The following EXOC4 variants were observed in gnomAD, a reference collection of about 807,000 sequenced individuals.
EXOC4 encodes exocyst complex component 4, also known as SEC8-like 1.
Under a neutral mutation model 107.2 loss-of-function variants are expected in EXOC4, and 71 were observed. The observed-to-expected ratio is 0.66, with a 90% CI of 0.55 to 0.81. The LOEUF (loss-of-function observed/expected upper bound fraction) is 0.81. Ranked by LOEUF, EXOC4 falls within the 30% of genes least tolerant of loss-of-function variation. EXOC4 has a pLI of 0.00. For missense variants in EXOC4, 1,108 were observed against 1,189.6 expected (o/e 0.93, Z 1.01); for synonymous variants, 456 against 441.2 (o/e 1.03, Z -0.42).
intron 17 of EXOC4, among the ~76,000 whole-genome samples, chr7:134,016,113 G>A (rs527267662): frequency 9.9e-5 from 15 of 152,194 alleles, no homozygotes; most frequent in Admixed American, 9.2e-4. Flanking sequence ...TACAGGAGGA[G>A]AGAGGAGTAG....
chr7:133,378,914 G>A (rs1199875212), intron 7 of EXOC4, among the ~76,000 whole-genome samples: 1 of 152,024 alleles, frequency 6.6e-6, no homozygotes, highest in African/African-American at 2.4e-5. Context: ...AGATACTCCA[G>A]TTGAAAGACA....
intron 10 of EXOC4, among the ~76,000 whole-genome samples, chr7:133,646,091 T>C (rs1445245737): frequency 6.6e-6 from 1 of 152,132 alleles, no homozygotes; most frequent in African/African-American, 2.4e-5. Context: ...ATGTGAGACA[T>C]TTGTTTAACG....
intron 10 of EXOC4, among the ~76,000 whole-genome samples, chr7:133,756,372 C>G (rs1315525944): frequency 6.6e-6 from 1 of 152,108 alleles, no homozygotes; most frequent in Non-Finnish European, 1.5e-5. Context: ...CCTTCAGATT[C>G]ACTTACCCTC....
intron 7 of EXOC4, among the ~76,000 whole-genome samples, chr7:133,394,835 A>G (rs900584416): frequency 1.8e-4 from 27 of 152,186 alleles, no homozygotes; most frequent in African/African-American, 6.0e-4. Context: ...ATAACCTAGC[A>G]TAAAAAAGAC....
chr7:133,295,907 G>A, intron 3 of EXOC4, among the ~76,000 whole-genome samples: 1 of 152,136 alleles, frequency 6.6e-6, no homozygotes, highest in East Asian at 1.9e-4. Flanking sequence ...GATAACAGGA[G>A]CTGGAATATT....
Position 133,440,137 on chromosome 7 carries a change from G to A in EXOC4, c.1183-35191G>A, listed in dbSNP as rs184823805. ...CATTTCTGAGTCAAGGCCTTGCATA[G>A]GTAACATTAACTACTGTTTACACTC... On this transcript the variant is annotated intron_variant, in intron 7 of 17. Transcript: ENST00000253861. Among the ~76,000 whole-genome samples, 214 of 152,088 alleles carry A rather than the reference G, an allele frequency of 1.4e-3. 1 individual carries two copies. Among genetic ancestry groups the A allele is most frequent in the African/African-American group, 4.5e-3 (185 of 41,496 alleles).
intron 9 of EXOC4, among the ~76,000 whole-genome samples, chr7:133,615,731 T>TTAA (rs1802178870): frequency 6.6e-6 from 1 of 152,174 alleles, no homozygotes; most frequent in African/African-American, 2.4e-5. Flanking sequence ...TCTAGTATTA[T>TTAA]CAGAGCCTTT....
intron 7 of EXOC4, among the ~76,000 whole-genome samples, chr7:133,450,453 G>A (rs568563108): frequency 2.6e-5 from 4 of 152,244 alleles, no homozygotes; most frequent in South Asian, 2.1e-4. Flanking sequence ...ATGAGCCACC[G>A]TGCCAGGCCT....
chr7:133,477,203 CTT>C (rs1428123021), intron 8 of EXOC4, among the ~76,000 whole-genome samples: 1 of 152,146 alleles, frequency 6.6e-6, no homozygotes, highest in Admixed American at 6.5e-5. Flanking sequence ...AGAGTTCACT[CTT>C]TGTGTTGTAC....
chr7:133,392,089 G>A (rs181897158), intron 7 of EXOC4, among the ~76,000 whole-genome samples: 7 of 152,268 alleles, frequency 4.6e-5, no homozygotes, highest in African/African-American at 9.6e-5. Flanking sequence ...GAGAACTATC[G>A]GACCATAGGA....
chr7:133,895,779 G>C (rs200838946), intron 12 of EXOC4, 44 bp downstream of exon 12: 1 of 1,586,724 alleles, frequency 6.3e-7, no homozygotes, highest in South Asian at 1.1e-5. Flanking sequence ...GTTTGAGCCT[G>C]ATGGTGGTTC....
intron 7 of EXOC4, among the ~76,000 whole-genome samples, chr7:133,468,764 C>T (rs1798796668): frequency 6.6e-6 from 1 of 152,148 alleles, no homozygotes; most frequent in Non-Finnish European, 1.5e-5. Context: ...CTGTCAGTTT[C>T]TGCTGAATTT....
chr7:133,722,757 A>T (rs564966777), intron 10 of EXOC4, among the ~76,000 whole-genome samples: 1 of 152,320 alleles, frequency 6.6e-6, no homozygotes, highest in South Asian at 2.1e-4. Flanking sequence ...GTGGTGTATA[A>T]TATCACTACT....
chr7:133,949,157 T>A (rs961619252), intron 14 of EXOC4, among the ~76,000 whole-genome samples: 1 of 152,182 alleles, frequency 6.6e-6, no homozygotes, highest in African/African-American at 2.4e-5. Flanking sequence ...GGACCCAAAT[T>A]TGGTAGTCAT....
intron 9 of EXOC4, among the ~76,000 whole-genome samples, chr7:133,592,329 A>G (rs1039998932): frequency 1.4e-4 from 22 of 152,156 alleles, no homozygotes; most frequent in African/African-American, 5.1e-4. Flanking sequence ...GCCTCCCACA[A>G]TATGGAAAAC....
Position 133,696,334 on chromosome 7 carries a change from C to T in EXOC4, c.1514+66193C>T, listed in dbSNP as rs368653628. On this transcript the variant is annotated intron_variant, in intron 10 of 17. Transcript: ENST00000253861. ...ACCAACCAACTGACCACTGAACCAG[C>T]CAATTAAGAAAGACTGGTGATTTAG... Among the ~76,000 whole-genome samples, 13 of 152,292 alleles carry T rather than the reference C, an allele frequency of 8.5e-5. 1 individual carries two copies. The highest frequency in any genetic ancestry group is 3.1e-4 in the African/African-American group (13 of 41,568).
At chr7:133,640,375 A>G (rs141477899) in intron 10 of EXOC4, among the ~76,000 whole-genome samples, 1 of 152,302 alleles carries the variant, frequency 6.6e-6, no homozygotes, top group African/African-American at 2.4e-5. Flanking sequence ...TGATTTCTTT[A>G]TGTTAGTCAT....
intron 11 of EXOC4, among the ~76,000 whole-genome samples, chr7:133,826,243 C>G (rs921482720): frequency 6.6e-6 from 1 of 152,094 alleles, no homozygotes; most frequent in Non-Finnish European, 1.5e-5. Flanking sequence ...TCCATGTTTT[C>G]AGATCATTTT....
chr7:133,779,682 T>G (rs977831479), intron 10 of EXOC4, among the ~76,000 whole-genome samples: 2 of 151,834 alleles, frequency 1.3e-5, no homozygotes, highest in African/African-American at 4.8e-5. Flanking sequence ...AATGCACCAA[T>G]CAGTGCTCTG....
Sources: gnomAD v4.1 joint callset for allele counts (sites outside exome capture counted in the v4.1 genomes callset) on GRCh38, gnomAD v4.1.1 for gene constraint, MANE v1.5 for transcripts, NCBI Gene and HGNC (gene_info 2026-07-23, HGNC 2026-07-21) for gene names.